The following EPHA6 variants were observed in gnomAD, a reference collection of about 807,000 sequenced individuals.
EPHA6 encodes ephrin type-A receptor 6.
In EPHA6, 50 loss-of-function variants were observed where a neutral mutation model predicts 112.0. That is an observed-to-expected ratio of 0.45 (90% CI 0.36 to 0.56). The LOEUF (loss-of-function observed/expected upper bound fraction) is 0.56, where lower values mean the gene tolerates loss of function less well. Among genes scored for constraint, EPHA6 ranks in the 20% least tolerant of loss-of-function variants. The pLI is 0.00. For missense variants in EPHA6, 1,280 were observed against 1,417.4 expected (o/e 0.90, Z 1.56); for synonymous variants, 529 against 490.7 (o/e 1.08, Z -1.03).
intron 11 of EPHA6, chr3:97,559,443 T>C (rs781027268): frequency 3.0e-5 from 9 of 304,566 alleles, no homozygotes; most frequent in South Asian, 5.5e-5. Context: ...AGAAAAACAG[T>C]TGGGAGCCAC....
At chr3:97,123,948 C>T (rs1262000616) in intron 3 of EPHA6, among the ~76,000 whole-genome samples, 2 of 151,862 alleles carry the variant, frequency 1.3e-5, no homozygotes, top group Non-Finnish European at 2.9e-5. Context: ...AGTAGTTTAT[C>T]TGATCCTTGA....
intron 10 of EPHA6, among the ~76,000 whole-genome samples, chr3:97,520,202 C>G (rs758129973): frequency 2.6e-5 from 4 of 152,060 alleles, no homozygotes; most frequent in African/African-American, 9.7e-5. Flanking sequence ...CTCCTGACCT[C>G]GTGATTCACC....
chr3:97,531,878 C>A (rs911740772), intron 10 of EPHA6, among the ~76,000 whole-genome samples: 1 of 151,958 alleles, frequency 6.6e-6, no homozygotes, highest in African/African-American at 2.4e-5. Flanking sequence ...TTTTTCAATA[C>A]GTTCATACAT....
intron 2 of EPHA6, among the ~76,000 whole-genome samples, chr3:96,904,167 T>C (rs1252325904): frequency 6.6e-6 from 1 of 152,072 alleles, no homozygotes; most frequent in Non-Finnish European, 1.5e-5. Context: ...CGTATGTTTA[T>C]TGTGGCAGTA....
At chr3:97,511,423 G>T (rs1353726431) in intron 10 of EPHA6, among the ~76,000 whole-genome samples, 2 of 152,102 alleles carry the variant, frequency 1.3e-5, no homozygotes, top group Non-Finnish European at 2.9e-5. Context: ...AGCTTCTCTT[G>T]GCTAGAGGAG....
At chr3:97,729,164 C>A (rs1156495517) in intron 15 of EPHA6, among the ~76,000 whole-genome samples, 1 of 152,074 alleles carries the variant, frequency 6.6e-6, no homozygotes, top group Non-Finnish European at 1.5e-5. Context: ...AATATTTCAT[C>A]ACTGTAACGC....
intron 13 of EPHA6, among the ~76,000 whole-genome samples, chr3:97,625,420 A>G (rs745641214): frequency 1.3e-5 from 2 of 151,778 alleles, no homozygotes; most frequent in Non-Finnish European, 3.0e-5. Context: ...TATGAAATCT[A>G]CTATTTGAAA....
chr3:97,571,433 G>T (rs2093332237), intron 11 of EPHA6, among the ~76,000 whole-genome samples: 1 of 152,044 alleles, frequency 6.6e-6, no homozygotes, highest in Non-Finnish European at 1.5e-5. Context: ...CATATGTTAG[G>T]CAATTTCTCC....
chr3:96,940,968 G>A, intron 2 of EPHA6, among the ~76,000 whole-genome samples: 1 of 152,206 alleles, frequency 6.6e-6, no homozygotes, highest in South Asian at 2.1e-4. Flanking sequence ...CGAGAGATCA[G>A]CTGTTAGTCT....
chr3:97,694,152 C>T (rs915414061), intron 14 of EPHA6, among the ~76,000 whole-genome samples: 5 of 152,124 alleles, frequency 3.3e-5, no homozygotes, highest in Admixed American at 6.5e-5. Flanking sequence ...TTCTGCCACT[C>T]ACTATTGTGT....
Position 96,904,349 on chromosome 3 carries a change from C to T in EPHA6, c.450+37460C>T, listed in dbSNP as rs547089878. 2.8e-4 allele frequency among the ~76,000 whole-genome samples: 42 copies of T among 150,872 alleles called. No individual in the cohort carries two copies. The South Asian group carries it at 8.4e-3, about 30-fold the overall frequency. On this transcript the variant is annotated intron_variant, in intron 2 of 17. Transcript: ENST00000389672. ...GGAAACCATCATTCTCAGCAAACTA[C>T]TGCAAGGACAAAAAACCAAACACCG...
chr3:97,536,311 T>C (rs2092763219), intron 11 of EPHA6, among the ~76,000 whole-genome samples: 1 of 152,160 alleles, frequency 6.6e-6, no homozygotes, highest in African/African-American at 2.4e-5. Flanking sequence ...CACTTCAGAA[T>C]ACTGGGCTCT....
At chr3:97,202,666 C>T (rs1459175039) in intron 3 of EPHA6, among the ~76,000 whole-genome samples, 2 of 152,036 alleles carry the variant, frequency 1.3e-5, no homozygotes, top group African/African-American at 2.4e-5. Context: ...ATAGTAATAA[C>T]AATTTACCCA....
rs533108753 is a variant in EPHA6 at position 97,533,079 on chromosome 3, G to C, written c.2386+536G>C. Among the ~76,000 whole-genome samples, 161 of 151,764 alleles carry C rather than the reference G, an allele frequency of 1.1e-3. 2 individuals are homozygous for C. The highest frequency in any genetic ancestry group is 1.3e-3 in the Non-Finnish European group (90 of 67,880). ...TCTTTCACAGAAATAATGGAACAAA[G>C]TTTATTCCTTTGAAAAGAAATGTTT... On this transcript the variant is annotated intron_variant, in intron 11 of 17. Transcript: ENST00000389672.
At chr3:97,119,876 A>C (rs570398169) in intron 3 of EPHA6, among the ~76,000 whole-genome samples, 1 of 151,992 alleles carries the variant, frequency 6.6e-6, no homozygotes, top group Non-Finnish European at 1.5e-5. Context: ...TGTACTATGT[A>C]ATTTCATTCA....
At chr3:96,911,558 T>C (rs2039215125) in intron 2 of EPHA6, among the ~76,000 whole-genome samples, 1 of 152,080 alleles carries the variant, frequency 6.6e-6, no homozygotes, top group Non-Finnish European at 1.5e-5. Context: ...TGTAAAACTG[T>C]AATTTTAAAG....
At chr3:97,022,535 T>A (rs1018913510) in intron 3 of EPHA6, among the ~76,000 whole-genome samples, 1 of 152,318 alleles carries the variant, frequency 6.6e-6, no homozygotes, top group East Asian at 1.9e-4. Context: ...CTTCAAGACA[T>A]CTCTTTTCAC....
intron 3 of EPHA6, among the ~76,000 whole-genome samples, chr3:96,996,367 C>A (rs899380181): frequency 1.3e-5 from 2 of 152,100 alleles, no homozygotes; most frequent in African/African-American, 4.8e-5. Flanking sequence ...CACAGATGTT[C>A]TTAATGGTAT....
At chr3:96,950,189 A>G (rs952235030) in intron 2 of EPHA6, among the ~76,000 whole-genome samples, 1 of 151,918 alleles carries the variant, frequency 6.6e-6, no homozygotes, top group Non-Finnish European at 1.5e-5. Context: ...CTAATGTTCC[A>G]ACCACAATGC....
Sources: gnomAD v4.1 joint callset for allele counts (sites outside exome capture counted in the v4.1 genomes callset) on GRCh38, gnomAD v4.1.1 for gene constraint, MANE v1.5 for transcripts, NCBI Gene and HGNC (gene_info 2026-07-23, HGNC 2026-07-21) for gene names.